Variants in TRIM28 observed in about 807,000 individuals in gnomAD.
The protein encoded by TRIM28 is tripartite motif containing 28.
TRIM28 carries 8 observed loss-of-function variants against 87.4 expected under a neutral mutation model. That is an observed-to-expected ratio of 0.09 (90% CI 0.05 to 0.17). The LOEUF is 0.17. Among genes scored for constraint, TRIM28 ranks in the 10% least tolerant of loss-of-function variants. TRIM28 has a pLI of 1.00. For missense variants in TRIM28, 968 were observed against 1,131.8 expected (o/e 0.86, Z 2.08); for synonymous variants, 601 against 454.3 (o/e 1.32, Z -4.11).
Position 58,544,100 on chromosome 19 carries a change from A to G in TRIM28, c.-658A>G, listed in dbSNP as rs1024282100. On this transcript the variant is annotated 5_prime_UTR_variant, in exon 1 of 17. Coordinates refer to ENST00000253024, the MANE Select transcript of TRIM28 (RefSeq NM_005762.3). The stretch of plus-strand genomic sequence containing the variant: ...GGCTGGAGACGACTCTACGGCGGCG[A>G]AGAGACGCGGGTTGAGGAAGAGGGA... 1 of 152,364 alleles carries G rather than the reference A, an allele frequency of 6.6e-6. No homozygotes were observed. The highest frequency in any genetic ancestry group is 1.5e-5 in the Non-Finnish European group (1 of 68,140). 9.4% of individuals were successfully genotyped at this position (152,364 alleles called of 1,614,324 possible).
intron 2 of TRIM28, 103 bp downstream of exon 2, chr19:58,545,640 C>T (rs532110598): frequency 2.0e-6 from 3 of 1,508,150 alleles, no homozygotes; most frequent in East Asian, 4.6e-5. Context: ...TTTCCCAAGG[C>T]TCTGGGTGGG....
chr19:58,547,212 T>TTGAG (rs1313891435), intron 3 of TRIM28, 164 bp from the exon 4 acceptor site: 103 of 744,184 alleles, frequency 1.4e-4, no homozygotes, highest in South Asian at 2.8e-4. Flanking sequence ...GAGCAAGGAG[T>TTGAG]TGGGCTTGCA....
rs2053791563 is a variant in TRIM28 at position 58,549,266 on chromosome 19, C to G, written c.1662+26C>G. On this transcript the variant is annotated intron_variant, in intron 12 of 16. Transcript: ENST00000253024. The surrounding 1 kb of genome is among the most constrained non-coding windows in gnomAD (Gnocchi z 4.4). ...GTAAGCCTGTCCCAAGGAACTATAG[C>G]TGTAGGATGAAGCCTGTAGTCCAGG... The G allele has an allele frequency of 6.2e-7, 1 of 1,604,810 alleles. No individual in the cohort carries two copies. Among genetic ancestry groups the G allele is most frequent in the African/African-American group, 1.3e-5 (1 of 74,730 alleles).
At position 58,544,874 on chromosome 19, in the gene TRIM28, AGCCTCG is replaced by A; in HGVS notation, c.123_128del (p.Ser45_Ala46del). ...AGCGCTCCACCGCCCCTTCGGCCGC[AGCCTCG>A]GCCTCTGCCTCAGCCGCGGCGTCGT... On this transcript the variant is annotated inframe_deletion, in exon 1 of 17. Coordinates refer to ENST00000253024, the MANE Select transcript of TRIM28 (RefSeq NM_005762.3). 1 of 1,313,842 alleles carries A rather than the reference AGCCTCG, an allele frequency of 7.6e-7. No homozygotes were observed. The highest frequency in any genetic ancestry group is 3.1e-5 in the East Asian group (1 of 31,844). 81.4% of individuals were successfully genotyped at this position (1,313,842 alleles called of 1,614,324 possible). A position where few individuals can be genotyped will look rare whatever the true frequency, so the allele number is the denominator to read the frequency against.
At chr19:58,547,230 G>A in intron 3 of TRIM28, 146 bp from the exon 4 acceptor site, 1 of 1,080,794 alleles carries the variant, frequency 9.3e-7, no homozygotes, top group Non-Finnish European at 1.3e-6. Flanking sequence ...GCAGGCCTGT[G>A]TTCTTCCCTG....
chr19:58,548,502 G>A lies in TRIM28; in HGVS notation c.1233G>A (p.Glu411=), dbSNP rs151030593. 1.6e-4 allele frequency: 257 copies of A among 1,614,074 alleles called. No homozygotes were observed. The African/African-American group carries it at 2.9e-3, about 18-fold the overall frequency. Residue 411 remains glutamate (E), a synonymous_variant, in exon 9 of 17, where the codon GAG becomes GAA. Coordinates refer to ENST00000253024, the MANE Select transcript of TRIM28 (RefSeq NM_005762.3). ...SAEAFGKIVA[E]RPGTNSTGPA... Reference sequence around the variant, plus strand: ...TTTTTGCAGGCAAGATTGTGGCAGAGCGTCCTGGCACTAACTCAACAGGCC... The same window carrying A: ...TTTTTGCAGGCAAGATTGTGGCAGAACGTCCTGGCACTAACTCAACAGGCC...
chr19:58,547,506 C>T lies in TRIM28; in HGVS notation c.717C>T (p.Asp239=). 1 of 1,614,070 alleles carries T rather than the reference C, an allele frequency of 6.2e-7. No individual in the cohort carries two copies. The highest frequency in any genetic ancestry group is 8.5e-7 in the Non-Finnish European group (1 of 1,179,984). Reference sequence around the variant, plus strand: ...ACTGCCAGCTCAATGCCCACAAGGACCACCAGTGAGTCCCAAGGCATAGTG... The same window carrying T: ...ACTGCCAGCTCAATGCCCACAAGGATCACCAGTGAGTCCCAAGGCATAGTG... ...CRDCQLNAHK[D]HQYQFLEDAV... Residue 239 remains aspartate, a synonymous_variant, in exon 4 of 17, where the codon GAC becomes GAT. Transcript: ENST00000253024.
At position 58,544,793 on chromosome 19, in the gene TRIM28, G is replaced by A; in HGVS notation, c.36G>A (p.Ala12=). The A allele has an allele frequency of 8.4e-7, 1 of 1,195,712 alleles. No homozygotes were observed. Among genetic ancestry groups the A allele is most frequent in the Non-Finnish European group, 1.0e-6 (1 of 965,336 alleles). The allele number at this position is 1,195,712 out of a possible 1,614,324, so 74.1% of individuals were successfully genotyped here. A position where few individuals can be genotyped will look rare whatever the true frequency, so the allele number is the denominator to read the frequency against. Residue 12 remains alanine, a synonymous_variant, in exon 1 of 17, where the codon GCG becomes GCA. Transcript: ENST00000253024. ...CCGCGGCGGCAGCCTCGGCAGCAGC[G>A]GCCTCGGCCGCCTCTGGCAGCCCGG... ...AASAAAASAA[A]ASAASGSPGP... is the part of the protein sequence containing the mutation.
At chr19:58,546,909 C>G (rs1362926568) in intron 3 of TRIM28, among the ~76,000 whole-genome samples, 1 of 152,000 alleles carries the variant, frequency 6.6e-6, no homozygotes, top group African/African-American at 2.4e-5. Context: ...CCTCTGGGCC[C>G]TTGGATTGTA....
chr19:58,547,271 G>A lies in TRIM28; in HGVS notation c.587-105G>A, dbSNP rs2053769547. 9.0e-6 allele frequency: 13 copies of A among 1,440,420 alleles called. No individual in the cohort carries two copies. The East Asian group carries it at 9.6e-5, about 11-fold the overall frequency. The allele number at this position is 1,440,420 out of a possible 1,614,324, so 89.2% of individuals were successfully genotyped here. A position where few individuals can be genotyped will look rare whatever the true frequency, so the allele number is the denominator to read the frequency against. On this transcript the variant is annotated intron_variant, in intron 3 of 16. Transcript: ENST00000253024. ...ACCCTCTACATCTTCCCAATAAATG[G>A]CCCAGTGTCACAGAACAGGCCGGAA...
At position 58,544,516 on chromosome 19, in the gene TRIM28, G is replaced by A. The variant is rs2053741307; in HGVS notation, c.-242G>A. ...CTTGTGCTTGTGGCGCGTGGTGCGG[G>A]TTTCGGCGGCGGCTGAGGAAGAAGC... On this transcript the variant is annotated 5_prime_UTR_variant, in exon 1 of 17. Coordinates refer to ENST00000253024, the MANE Select transcript of TRIM28 (RefSeq NM_005762.3). The A allele has an allele frequency of 6.5e-6, 1 of 153,222 alleles. No individual in the cohort carries two copies. Among genetic ancestry groups the A allele is most frequent in the South Asian group, 1.8e-4 (1 of 5,496 alleles). The allele number at this position is 153,222 out of a possible 1,614,324, so 9.5% of individuals were successfully genotyped here.
Position 58,548,893 on chromosome 19 carries a change from T to A in TRIM28, c.1392T>A (p.His464Gln). ...GDDPYSSAEP[H>Q]VSGVKRSRSG... Reference sequence around the variant, plus strand: ...ATCCCTACTCAAGTGCAGAGCCCCATGTGTCAGGTGTGAAACGGTAAGTAT... The same window carrying A: ...ATCCCTACTCAAGTGCAGAGCCCCAAGTGTCAGGTGTGAAACGGTAAGTAT... Residue 464 changes from histidine (H) to glutamine (Q), a missense_variant, in exon 11 of 17, where the codon CAT (histidine) becomes CAA (glutamine). Physicochemically the swap from His to Gln is conservative, Grantham distance 24. This residue lies in a region of TRIM28 where 119 missense variants were observed against 93.6 expected (regional missense o/e 1.27). Transcript: ENST00000253024. The A allele has an allele frequency of 1.2e-6, 2 of 1,614,078 alleles. No individual in the cohort carries two copies. The highest frequency in any genetic ancestry group is 2.2e-5 in the East Asian group (1 of 44,870).
chr19:58,549,920 A>G lies in TRIM28; in HGVS notation c.2107-29A>G. On this transcript the variant is annotated intron_variant, in intron 14 of 16. Coordinates refer to ENST00000253024, the MANE Select transcript of TRIM28 (RefSeq NM_005762.3). This position sits in a 1 kb window ranked among gnomAD's most constrained non-coding sequence, Gnocchi z 4.4. ...GAGAGGCTTTATAGGTGCTGCCCAG[A>G]GCTGTGACATCCCTTACAATGTTTG... The G allele has an allele frequency of 1.2e-6, 2 of 1,613,896 alleles. No individual in the cohort carries two copies. The highest frequency in any genetic ancestry group is 1.7e-6 in the Non-Finnish European group (2 of 1,179,946).
intron 3 of TRIM28, 29 bp downstream of exon 3, chr19:58,545,925 G>C: frequency 6.4e-7 from 1 of 1,574,374 alleles, no homozygotes; most frequent in Non-Finnish European, 8.7e-7. Flanking sequence ...GGCTGTTGGA[G>C]TTGTTCTCCC....
rs369832179 is a variant in TRIM28, at chr19:58,547,569, G to A, written c.723-28G>A. ...GGTGCCACCCCTTCCGTAGCTTAGT[G>A]CTCAGGAACACATCTGTCTGCTCTC... is the stretch of plus-strand genomic sequence containing the variant. On this transcript the variant is annotated intron_variant, in intron 4 of 16. Transcript: ENST00000253024. 15 of 1,613,680 alleles carry A rather than the reference G, an allele frequency of 9.3e-6. No homozygotes were observed. In the African/African-American group the frequency reaches 1.9e-4, roughly 20 times the overall value.
chr19:58,548,741 C>T lies in TRIM28; in HGVS notation c.1325C>T (p.Pro442Leu), dbSNP rs768050180. ...CAGAGGGTTCTGCTTTGTTCACAGC[C>T]CATGGAGGTGCAGGAAGGCTATGGC... ...LSKQGSGSSQPMEVQEGYGFG... is the reference protein window; with the variant it reads ...LSKQGSGSSQLMEVQEGYGFG... Residue 442 changes from proline to leucine, a missense_variant and splice_region_variant, in exon 10 of 17, where the codon CCC becomes CTC. Physicochemically the swap from Pro to Leu is moderately conservative, Grantham distance 98 (BLOSUM62 -3). Coordinates refer to ENST00000253024, the MANE Select transcript of TRIM28 (RefSeq NM_005762.3). 4.2e-5 allele frequency: 67 copies of T among 1,613,774 alleles called. 1 individual carries two copies. The East Asian group carries it at 1.5e-3, about 36-fold the overall frequency.
intron 3 of TRIM28, among the ~76,000 whole-genome samples, chr19:58,546,291 C>G (rs2053760668): frequency 1.3e-5 from 2 of 152,122 alleles, no homozygotes; most frequent in African/African-American, 4.8e-5. Flanking sequence ...GGAAAGTAGA[C>G]TGTGGGTCCA....
intron 1 of TRIM28, 66 bp downstream of exon 1, chr19:58,545,163 G>A: frequency 1.5e-6 from 2 of 1,345,420 alleles, no homozygotes; most frequent in Non-Finnish European, 1.9e-6. Flanking sequence ...ACTGGGTGCA[G>A]AGATGAGGAT....
At chr19:58,546,022 C>G in intron 3 of TRIM28, 126 bp downstream of exon 3, 13 of 1,205,032 alleles carry the variant, frequency 1.1e-5, no homozygotes, top group African/African-American at 1.5e-5. Flanking sequence ...CCGAAGGGCC[C>G]GAGGGCAGAA....
Sources: gnomAD v4.1 joint callset for allele counts (sites outside exome capture counted in the v4.1 genomes callset) on GRCh38, gnomAD v4.1.1 for gene constraint, gnomAD v4.1.1 regional missense constraint, Gnocchi (gnomAD v3.1) non-coding constraint, MANE v1.5 for transcripts, NCBI Gene and HGNC (gene_info 2026-07-23, HGNC 2026-07-21) for gene names.